Variants in IRAG1 observed in about 807,000 individuals in gnomAD.
IRAG1 encodes the protein inositol 1,4,5-triphosphate receptor associated 1.
Under a neutral mutation model 106.2 loss-of-function variants are expected in IRAG1, and 62 were observed. That is an observed-to-expected ratio of 0.58 (90% CI 0.48 to 0.72). The LOEUF (loss-of-function observed/expected upper bound fraction) is 0.72. Ranked by LOEUF, IRAG1 falls within the 30% of genes least tolerant of loss-of-function variation. The pLI, the probability that IRAG1 is intolerant of heterozygous loss-of-function variation, is 0.00. For missense variants in IRAG1, 1,064 were observed against 1,140.7 expected (o/e 0.93, Z 0.97); for synonymous variants, 462 against 443.9 (o/e 1.04, Z -0.51).
At position 10,605,717 on chromosome 11, in the gene IRAG1, C is replaced by T. The variant is rs556033055; in HGVS notation, c.1602+1025G>A. Among the ~76,000 whole-genome samples, 12 of 152,294 alleles carry T rather than the reference C, an allele frequency of 7.9e-5. No homozygotes were observed. In the East Asian group the frequency reaches 2.1e-3, roughly 27 times the overall value. ...GTCAGCATTTGGACATTAAACAAACCGCCCATGGCCCATCTTCACAAATGT... is the reference window on the plus strand; with the variant it reads ...GTCAGCATTTGGACATTAAACAAACTGCCCATGGCCCATCTTCACAAATGT... On this transcript the variant is annotated intron_variant, in intron 12 of 20. Coordinates refer to ENST00000423302, the MANE Select transcript of IRAG1 (RefSeq NM_130385.4).
Position 10,576,575 on chromosome 11 carries a change from G to T in IRAG1, c.2496C>A (p.Ser832Arg). Residue 832 changes from serine to arginine, a missense_variant and splice_region_variant, in exon 21 of 21, where the codon AGC (serine) becomes AGA (arginine). Coordinates refer to ENST00000423302, the MANE Select transcript of IRAG1 (RefSeq NM_130385.4). ...AGAAATGGACCAATTCTTCAAGTTT[G>T]CTGTCAATGAAAAAAAATATGCAGA... ...TEEEEKGPRS[S>R]KLEELVHFLQ... 6.2e-7 allele frequency: 1 copy of T among 1,613,898 alleles called. No homozygotes were observed. The highest frequency in any genetic ancestry group is 8.5e-7 in the Non-Finnish European group (1 of 1,179,846).
chr11:10,675,046 C>T (rs1249275556), intron 1 of IRAG1, among the ~76,000 whole-genome samples: 1 of 152,222 alleles, frequency 6.6e-6, no homozygotes, highest in East Asian at 1.9e-4. Flanking sequence ...ATGGGCACCG[C>T]CCTGCAGATT....
intron 2 of IRAG1, among the ~76,000 whole-genome samples, chr11:10,648,905 A>G (rs562964405): frequency 3.9e-5 from 6 of 152,202 alleles, no homozygotes; most frequent in Admixed American, 2.0e-4. Flanking sequence ...GCTAGTGCTC[A>G]TGCCAGTGAT....
intron 15 of IRAG1, among the ~76,000 whole-genome samples, chr11:10,599,431 T>A (rs931255794): frequency 2.0e-5 from 3 of 152,152 alleles, no homozygotes; most frequent in African/African-American, 7.2e-5. Flanking sequence ...AGGATTCCTT[T>A]GGCGGCAACT....
intron 2 of IRAG1, among the ~76,000 whole-genome samples, chr11:10,635,464 T>C (rs1167819215): frequency 6.6e-6 from 1 of 152,166 alleles, no homozygotes; most frequent in East Asian, 1.9e-4. Flanking sequence ...GTGGGCCAAA[T>C]CCTTCTAGAG....
chr11:10,605,507 C>T (rs2134359355), intron 12 of IRAG1, among the ~76,000 whole-genome samples: 1 of 152,322 alleles, frequency 6.6e-6, no homozygotes, highest in East Asian at 1.9e-4. Flanking sequence ...CATGTAATCT[C>T]ACAATAACCC....
intron 15 of IRAG1, chr11:10,599,771 G>A (rs992040281): frequency 2.1e-4 from 32 of 152,202 alleles, no homozygotes; most frequent in African/African-American, 7.7e-4. Flanking sequence ...AGTGCCCATG[G>A]AGAGATCTGG....
At chr11:10,663,060 T>C (rs1859518414) in intron 1 of IRAG1, among the ~76,000 whole-genome samples, 1 of 152,088 alleles carries the variant, frequency 6.6e-6, no homozygotes, top group Admixed American at 6.5e-5. Flanking sequence ...GGAGCAAGGA[T>C]GGATAAAGGC....
intron 2 of IRAG1, 104 bp downstream of exon 2, chr11:10,651,921 G>A: frequency 7.4e-7 from 1 of 1,343,252 alleles, no homozygotes; most frequent in Non-Finnish European, 9.9e-7. Context: ...ACCTACATGA[G>A]CTGTCAGCAA....
intron 18 of IRAG1, chr11:10,585,926 T>A (rs555445165): frequency 1.9e-4 from 29 of 151,288 alleles, no homozygotes; most frequent in African/African-American, 7.1e-4. Flanking sequence ...ATAGAAGCCT[T>A]CCATGAACCC....
At chr11:10,617,052 C>A (rs924007837) in intron 10 of IRAG1, 33 of 985,158 alleles carry the variant, frequency 3.3e-5, no homozygotes, top group Non-Finnish European at 4.0e-5. Flanking sequence ...TCTTTCTTCT[C>A]AGGGAGGCCT....
chr11:10,573,763 A>G lies in IRAG1; in HGVS notation c.*2569T>C, dbSNP rs1404959434. On this transcript the variant is annotated 3_prime_UTR_variant, in exon 21 of 21. Transcript: ENST00000423302. The stretch of plus-strand genomic sequence containing the variant: ...TAGGAAACTTGTGACCAAGTGAACA[A>G]TGGGGCCAGCTGAGCCTGGCCCTGC... The G allele has an allele frequency of 6.6e-6, 1 of 152,204 alleles. No homozygotes were observed. The highest frequency in any genetic ancestry group is 1.5e-5 in the Non-Finnish European group (1 of 68,072). 9.4% of individuals were successfully genotyped at this position (152,204 alleles called of 1,614,324 possible). A position where few individuals can be genotyped will look rare whatever the true frequency, so the allele number is the denominator to read the frequency against.
In IRAG1 at chr11:10,576,296, G is replaced by A. The variant is rs1316466351; in HGVS notation, c.*36C>T. 3.7e-6 allele frequency: 6 copies of A among 1,609,658 alleles called. No individual in the cohort carries two copies. The highest frequency in any genetic ancestry group is 2.2e-5 in the East Asian group (1 of 44,778). ...TTGGGGAAAGGGTGGTAGTCTGAGT[G>A]TCTCAGAGCAGGGCACTGGCTAGGT... is the stretch of plus-strand genomic sequence containing the variant. On this transcript the variant is annotated 3_prime_UTR_variant, in exon 21 of 21. Coordinates refer to ENST00000423302, the MANE Select transcript of IRAG1 (RefSeq NM_130385.4).
chr11:10,609,951 C>A, intron 10 of IRAG1, 100 bp from the exon 11 acceptor site: 1 of 1,166,854 alleles, frequency 8.6e-7, no homozygotes, highest in Non-Finnish European at 1.2e-6. Context: ...GTATCTAGTT[C>A]TATGTTAAGG....
intron 10 of IRAG1, among the ~76,000 whole-genome samples, chr11:10,621,341 G>A (rs1855819460): frequency 6.6e-6 from 1 of 152,108 alleles, no homozygotes; most frequent in African/African-American, 2.4e-5. Flanking sequence ...TGACATCCTG[G>A]ACACATTCAC....
rs753247928 is a variant in IRAG1 at position 10,626,048 on chromosome 11, T to A, written c.1286A>T (p.Lys429Met). 1.3e-6 allele frequency: 2 copies of A among 1,516,638 alleles called. No homozygotes were observed. Among genetic ancestry groups the A allele is most frequent in the Admixed American group, 2.3e-5 (1 of 44,346 alleles). The allele number at this position is 1,516,638 out of a possible 1,614,324, so 93.9% of individuals were successfully genotyped here. A position where few individuals can be genotyped will look rare whatever the true frequency, so the allele number is the denominator to read the frequency against. ...TTTGAGACCAGGGGCCTTGGCCAGCTTGCCGCCGGCCTTGCCTGCAAAACG... is the reference window on the plus strand; with the variant it reads ...TTTGAGACCAGGGGCCTTGGCCAGCATGCCGCCGGCCTTGCCTGCAAAACG... ...EKRFAGKAGG[K>M]LAKAPGLKDF... The change falls in exon 9 of 21, where the codon AAG becomes ATG. Residue 429 changes from lysine (K) to methionine (M), a missense_variant. Lys to Met is a moderately conservative substitution (Grantham distance 95, BLOSUM62 -1). Coordinates refer to ENST00000423302, the MANE Select transcript of IRAG1 (RefSeq NM_130385.4).
chr11:10,617,052 C>T lies in IRAG1; in HGVS notation c.1447+6726G>A, dbSNP rs924007837. On this transcript the variant is annotated intron_variant, in intron 10 of 20. Transcript: ENST00000423302. ...AAACTTTTTTTTACCTCTTTCTTCTCAGGGAGGCCTCTTTCCTGCCCAAGA... is the reference window on the plus strand; with the variant it reads ...AAACTTTTTTTTACCTCTTTCTTCTTAGGGAGGCCTCTTTCCTGCCCAAGA... 2.3e-5 allele frequency: 23 copies of T among 985,158 alleles called. No homozygotes were observed. In the South Asian group the frequency reaches 6.1e-4, roughly 26 times the overall value. The allele number at this position is 985,158 out of a possible 1,614,324, so 61.0% of individuals were successfully genotyped here.
rs10840455 is a variant in IRAG1 at position 10,647,993 on chromosome 11, C to T, written c.225+4032G>A. On this transcript the variant is annotated intron_variant, in intron 2 of 20. Coordinates refer to ENST00000423302, the MANE Select transcript of IRAG1 (RefSeq NM_130385.4). This position sits in a 1 kb window ranked among gnomAD's most constrained non-coding sequence, Gnocchi z 4.3. The stretch of plus-strand genomic sequence containing the variant: ...AGTCTTGGGGGAGGCAGATTCCAGC[C>T]TGACCAGGACAGAGCTGGCCAACCA... Among the ~76,000 whole-genome samples the T allele has an allele frequency of 0.25, 38,221 of 152,056 alleles. 5,786 individuals are homozygous for T. The highest frequency in any genetic ancestry group is 0.77 in the East Asian group (3,981 of 5,150).
At chr11:10,653,404 G>C (rs1209896843) in intron 1 of IRAG1, among the ~76,000 whole-genome samples, 1 of 152,180 alleles carries the variant, frequency 6.6e-6, no homozygotes, top group Non-Finnish European at 1.5e-5. Flanking sequence ...CTGAAAACAT[G>C]CTCCACTACT....
Sources: gnomAD v4.1 joint callset for allele counts (sites outside exome capture counted in the v4.1 genomes callset) on GRCh38, gnomAD v4.1.1 for gene constraint, Gnocchi (gnomAD v3.1) non-coding constraint, MANE v1.5 for transcripts, NCBI Gene and HGNC (gene_info 2026-07-23, HGNC 2026-07-21) for gene names.